The following GATAD2A variants were observed in gnomAD, a reference collection of about 807,000 sequenced individuals.
The protein encoded by GATAD2A is GATA zinc finger domain containing 2A, also known as transcriptional repressor p66-alpha.
Under a neutral mutation model 68.5 loss-of-function variants are expected in GATAD2A, and 12 were observed. The observed-to-expected ratio is 0.18, with a 90% confidence interval of 0.11 to 0.28. The LOEUF is 0.28. Ranked by LOEUF, GATAD2A falls within the 10% of genes least tolerant of loss-of-function variation. GATAD2A has a pLI of 1.00. For missense variants in GATAD2A, 755 were observed against 868.5 expected, an observed-to-expected ratio of 0.87 and a Z score of 1.64; for synonymous variants, 410 against 375.3, an observed-to-expected ratio of 1.09 and a Z score of -1.07.
chr19:19,426,296 AGAG>A (rs1471800933), intron 1 of GATAD2A, among the ~76,000 whole-genome samples: 1 of 152,086 alleles, frequency 6.6e-6, no homozygotes, highest in African/African-American at 2.4e-5. Flanking sequence ...CCACAAACTT[AGAG>A]GAGAAGTTTG....
chr19:19,422,668 T>G (rs1236170890), intron 1 of GATAD2A, among the ~76,000 whole-genome samples: 3 of 152,068 alleles, frequency 2.0e-5, no homozygotes, highest in African/African-American at 7.2e-5. Flanking sequence ...CAAGGAGGTG[T>G]GGAGTATGTG....
intron 1 of GATAD2A, among the ~76,000 whole-genome samples, chr19:19,396,908 C>G (rs1218985954): frequency 6.6e-6 from 1 of 152,112 alleles, no homozygotes; most frequent in Non-Finnish European, 1.5e-5. Flanking sequence ...GAGGTTTCAC[C>G]ATGTTGGCCA....
At chr19:19,450,746 A>T (rs1214336006) in intron 1 of GATAD2A, among the ~76,000 whole-genome samples, 48 of 103,508 alleles carry the variant, frequency 4.6e-4, no homozygotes, top group Non-Finnish European at 2.2e-4. Flanking sequence ...ATTACATTAA[A>T]AAAAAAAAAA....
At position 19,507,879 on chromosome 19, in the gene GATAD2A, C is replaced by T. The variant is rs1193639074; in HGVS notation, c.*2405C>T. ...CTTGCAGCATAACCTCTACGATAAGCCCCAAGCGGGTTGTTGTATTATGAC... is the reference window on the plus strand; with the variant it reads ...CTTGCAGCATAACCTCTACGATAAGTCCCAAGCGGGTTGTTGTATTATGAC... On this transcript the variant is annotated 3_prime_UTR_variant, in exon 12 of 12. Transcript: ENST00000683918. The T allele has an allele frequency of 6.6e-6, 1 of 152,200 alleles. No homozygotes were observed. Among genetic ancestry groups the T allele is most frequent in the African/African-American group, 2.4e-5 (1 of 41,428 alleles). The allele number at this position is 152,200 out of a possible 1,614,324, so 9.4% of individuals were successfully genotyped here. A position where few individuals can be genotyped will look rare whatever the true frequency, so the allele number is the denominator to read the frequency against.
chr19:19,411,526 C>T (rs2050920020), intron 1 of GATAD2A, among the ~76,000 whole-genome samples: 1 of 152,194 alleles, frequency 6.6e-6, no homozygotes, highest in South Asian at 2.1e-4. Context: ...TCTGGGAGCG[C>T]CAGGGTGAAT....
At chr19:19,412,316 C>T (rs1205523223) in intron 1 of GATAD2A, among the ~76,000 whole-genome samples, 4 of 151,662 alleles carry the variant, frequency 2.6e-5, no homozygotes, top group South Asian at 2.1e-4. Context: ...CCACCACACC[C>T]GGCTAATTTT....
chr19:19,441,170 G>A (rs1418324972), intron 1 of GATAD2A, among the ~76,000 whole-genome samples: 1 of 151,720 alleles, frequency 6.6e-6, no homozygotes, highest in Non-Finnish European at 1.5e-5. Context: ...AGCCTCCCGA[G>A]TAGTTGGGAT....
chr19:19,405,609 C>T (rs1379337107), upstream of GATAD2A, among the ~76,000 whole-genome samples: 1 of 151,926 alleles, frequency 6.6e-6, no homozygotes, highest in Non-Finnish European at 1.5e-5. Context: ...CAGGGGCCCG[C>T]CTTCTACGCC....
chr19:19,452,423 A>G (rs1178876217), intron 1 of GATAD2A, among the ~76,000 whole-genome samples: 1 of 152,114 alleles, frequency 6.6e-6, no homozygotes, highest in Non-Finnish European at 1.5e-5. Context: ...AACAGGACGG[A>G]AGAATGTGTT....
intron 2 of GATAD2A, among the ~76,000 whole-genome samples, chr19:19,480,544 A>G (rs958692612): frequency 3.3e-5 from 5 of 152,224 alleles, no homozygotes; most frequent in Admixed American, 3.3e-4. Context: ...CCACTGCAGT[A>G]TGCAGCAGGA....
At chr19:19,434,886 C>T (rs1030929027) in intron 1 of GATAD2A, among the ~76,000 whole-genome samples, 4 of 152,162 alleles carry the variant, frequency 2.6e-5, no homozygotes, top group Non-Finnish European at 5.9e-5. Context: ...GAAGCCCTCT[C>T]GGTCTGGAGG....
chr19:19,428,882 G>A (rs2053396680), intron 1 of GATAD2A, among the ~76,000 whole-genome samples: 1 of 152,186 alleles, frequency 6.6e-6, no homozygotes, highest in Admixed American at 6.5e-5. Flanking sequence ...GGGCAGGAGG[G>A]GGACATTGGC....
intron 1 of GATAD2A, among the ~76,000 whole-genome samples, chr19:19,417,957 G>A (rs1224374285): frequency 6.6e-6 from 1 of 152,184 alleles, no homozygotes; most frequent in Non-Finnish European, 1.5e-5. Flanking sequence ...GGGTCTTAGA[G>A]CCTCGTGGGG....
intron 1 of GATAD2A, among the ~76,000 whole-genome samples, chr19:19,461,186 A>C (rs2057400141): frequency 6.6e-6 from 1 of 152,200 alleles, no homozygotes; most frequent in South Asian, 2.1e-4. Context: ...CCAGTGCTTT[A>C]ACCCACTTAC....
exon 1 of GATAD2A, chr19:19,386,066 C>G (rs1307885540): frequency 6.6e-6 from 1 of 152,090 alleles, no homozygotes; most frequent in African/African-American, 2.4e-5. Flanking sequence ...CTCCGCGGGA[C>G]GCCACAAGAC....
intron 9 of GATAD2A, 53 bp from the exon 10 acceptor site, chr19:19,501,916 C>A: frequency 6.9e-7 from 1 of 1,440,420 alleles, no homozygotes; most frequent in South Asian, 1.1e-5. Flanking sequence ...CTCGGTCACC[C>A]TGGGCCGGCC....
In GATAD2A at chr19:19,498,393, C is replaced by T. The variant is rs2060292093; in HGVS notation, c.925-50C>T. The T allele has an allele frequency of 1.3e-5, 20 of 1,557,468 alleles. No homozygotes were observed. The East Asian group carries it at 4.3e-4, about 34-fold the overall frequency. ...GGGCTTCGGGGCGCTGGGGAGCCTT[C>T]CTCTGGGCAGGCGCACGGAGCGCCC... On this transcript the variant is annotated intron_variant, in intron 7 of 11. Coordinates refer to ENST00000683918, the MANE Select transcript of GATAD2A (RefSeq NM_001384528.1).
At chr19:19,429,254 G>C (rs915130098) in intron 1 of GATAD2A, 86 of 976,984 alleles carry the variant, frequency 8.8e-5, no homozygotes, top group Non-Finnish European at 1.0e-4. Flanking sequence ...GTGAGGGGCT[G>C]GGGGGGAGAG....
chr19:19,395,986 C>T (rs2049212091), intron 1 of GATAD2A, among the ~76,000 whole-genome samples: 1 of 152,118 alleles, frequency 6.6e-6, no homozygotes, highest in African/African-American at 2.4e-5. Context: ...CAGCAAGCGG[C>T]CAGACTGTTG....
Sources: gnomAD v4.1 joint callset for allele counts (sites outside exome capture counted in the v4.1 genomes callset) on GRCh38, gnomAD v4.1.1 for gene constraint, MANE v1.5 for transcripts, NCBI Gene and HGNC (gene_info 2026-07-23, HGNC 2026-07-21) for gene names.